ACRBP: variants seen among roughly 807,000 people sequenced by gnomAD.
ACRBP encodes the protein acrosin-binding protein.
ACRBP carries 52 observed loss-of-function variants against 69.0 expected under a neutral mutation model. The ratio of observed to expected loss-of-function variants is 0.75; its 90% CI spans 0.60 to 0.95. The LOEUF (loss-of-function observed/expected upper bound fraction) is 0.95, where lower values mean the gene tolerates loss of function less well. Ranked by LOEUF, ACRBP falls within the 40% of genes least tolerant of loss-of-function variation. The probability of loss-of-function intolerance (pLI) is 0.00; values close to 1 mark genes in which losing one functional copy is unlikely to be tolerated. For synonymous variants in ACRBP, 267 were observed against 258.9 expected (o/e 1.03, Z -0.30); for missense variants, 604 against 673.0 (o/e 0.90, Z 1.13).
At position 6,638,728 on chromosome 12, in the gene ACRBP, C is replaced by T. The variant is rs906317525; in HGVS notation, c.1509+226G>A. The T allele has an allele frequency of 8.7e-5, 124 of 1,432,264 alleles. No homozygotes were observed. In the Middle Eastern group the frequency reaches 1.6e-3, roughly 18 times the overall value. 88.7% of individuals were successfully genotyped at this position (1,432,264 alleles called of 1,614,324 possible). ...AGCCAAGGGTTCTTCCTGTGGTGCT[C>T]TTAGGACCCTCCTCTGTTATCCACC... On this transcript the variant is annotated intron_variant, in intron 9 of 9. Coordinates refer to ENST00000229243, the MANE Select transcript of ACRBP (RefSeq NM_032489.3).
At chr12:6,642,185 G>T (rs1949057593) in intron 6 of ACRBP, among the ~76,000 whole-genome samples, 1 of 152,034 alleles carries the variant, frequency 6.6e-6, no homozygotes, top group Non-Finnish European at 1.5e-5. Context: ...ATTCCAAGAG[G>T]ACAGAGGACT....
At position 6,638,961 on chromosome 12, in the gene ACRBP, T is replaced by C. The variant is rs772048700; in HGVS notation, c.1502A>G (p.Asn501Ser). ...CAGGGCAGGGGTGCTCACCTTCCGATTGCGGTTTCTCATCAGACACTGCTG... is the reference window on the plus strand; with the variant it reads ...CAGGGCAGGGGTGCTCACCTTCCGACTGCGGTTTCTCATCAGACACTGCTG... ...KSQQCLMRNRNRKVSRMRCLQ... is the reference protein window; with the variant it reads ...KSQQCLMRNRSRKVSRMRCLQ... The change falls in exon 9 of 10, where the codon AAT (asparagine) becomes AGT (serine). Residue 501 changes from asparagine to serine, a missense_variant. By Grantham distance (46) the Asn-to-Ser change is conservative (BLOSUM62 1). Transcript: ENST00000229243. 1.9e-6 allele frequency: 3 copies of C among 1,613,854 alleles called. No individual in the cohort carries two copies. The highest frequency in any genetic ancestry group is 2.2e-5 in the East Asian group (1 of 44,894).
intron 6 of ACRBP, among the ~76,000 whole-genome samples, chr12:6,641,008 A>G (rs1036980701): frequency 2.0e-5 from 3 of 152,240 alleles, no homozygotes; most frequent in South Asian, 2.1e-4. Flanking sequence ...CGACAACCCT[A>G]TAACAGCAGA....
At position 6,643,944 on chromosome 12, in the gene ACRBP, C is replaced by T. The variant is rs1490205217; in HGVS notation, c.944+193G>A. The T allele has an allele frequency of 9.3e-6, 11 of 1,179,302 alleles. No homozygotes were observed. In the East Asian group the frequency reaches 2.1e-4, roughly 22 times the overall value. 73.1% of individuals were successfully genotyped at this position (1,179,302 alleles called of 1,614,324 possible). Reference sequence around the variant, plus strand: ...CTGGTAGCTCCAGGTACAGGGCTTACATAGAGAATAAGCATTTGAGCAGTG... The same window carrying T: ...CTGGTAGCTCCAGGTACAGGGCTTATATAGAGAATAAGCATTTGAGCAGTG... On this transcript the variant is annotated intron_variant, in intron 5 of 9. Coordinates refer to ENST00000229243, the MANE Select transcript of ACRBP (RefSeq NM_032489.3).
chr12:6,645,103 T>C, intron 4 of ACRBP, 117 bp downstream of exon 4: 1 of 764,598 alleles, frequency 1.3e-6, no homozygotes, highest in Non-Finnish European at 2.2e-6. Context: ...AGCTGTCTGC[T>C]GGCGCCCCCT....
chr12:6,638,101 A>C lies in ACRBP; in HGVS notation c.*181T>G. 1.3e-6 allele frequency: 1 copy of C among 761,832 alleles called. No homozygotes were observed. The highest frequency in any genetic ancestry group is 2.9e-5 in the Admixed American group (1 of 34,722). The allele number at this position is 761,832 out of a possible 1,614,324, so 47.2% of individuals were successfully genotyped here. The stretch of plus-strand genomic sequence containing the variant: ...GAAGATCAACATTTTATGTAAAGTC[A>C]TCTTTTAAGGAGGGCGCAGCTCCCA... On this transcript the variant is annotated 3_prime_UTR_variant, in exon 10 of 10. Transcript: ENST00000229243.
At chr12:6,647,135 G>A in intron 1 of ACRBP, 123 bp from the exon 2 acceptor site, 2 of 1,101,590 alleles carry the variant, frequency 1.8e-6, no homozygotes, top group Non-Finnish European at 2.6e-6. Context: ...TGACCAGGGC[G>A]GGGGGAGTCT....
Position 6,646,863 on chromosome 12 carries a change from T to C in ACRBP, c.193A>G (p.Thr65Ala). ...AGTGTGGGATTCCGGCAGCCGTGGG[T>C]TGCACGGAGACGGCAGGTAGTCTCT... Reference protein sequence around the residue: ...KAETTCRLRATHGCRNPTLVQ... With the variant: ...KAETTCRLRAAHGCRNPTLVQ... Residue 65 changes from threonine (T) to alanine (A), a missense_variant, in exon 2 of 10, where the codon ACC (threonine) becomes GCC (alanine). Thr to Ala is a moderately conservative substitution (Grantham distance 58, BLOSUM62 0). Transcript: ENST00000229243. 1 of 1,614,112 alleles carries C rather than the reference T, an allele frequency of 6.2e-7. No homozygotes were observed. Among genetic ancestry groups the C allele is most frequent in the Non-Finnish European group, 8.5e-7 (1 of 1,180,016 alleles).
intron 6 of ACRBP, among the ~76,000 whole-genome samples, chr12:6,642,999 C>G (rs979710313): frequency 1.3e-4 from 20 of 152,106 alleles, no homozygotes; most frequent in African/African-American, 4.6e-4. Flanking sequence ...TGCCTGTAAT[C>G]CCAGCATTTT....
rs150031699 is a variant in ACRBP, at chr12:6,640,411, C to T, written c.1189G>A (p.Asp397Asn). 2.2e-5 allele frequency: 36 copies of T among 1,614,046 alleles called. No individual in the cohort carries two copies. The South Asian group carries it at 2.5e-4, about 11-fold the overall frequency. ...SEASLQRQQCDTSHKTPFVSP... is the reference protein window; with the variant it reads ...SEASLQRQQCNTSHKTPFVSP... The stretch of plus-strand genomic sequence containing the variant: ...ACAAAGGGAGTCTTGTGGGAGGTGT[C>T]GCATTGTTGCCGCTGCAGGCTGGCC... The change falls in exon 7 of 10, where the codon GAC becomes AAC. Residue 397 changes from aspartate to asparagine, a missense_variant. Asp to Asn is a conservative substitution (Grantham distance 23). Around this residue, in one of 3 missense-constraint regions of ACRBP, gnomAD observed 532 missense variants for 562.9 expected, o/e 0.95. Coordinates refer to ENST00000229243, the MANE Select transcript of ACRBP (RefSeq NM_032489.3). This position sits in a 1 kb window ranked among gnomAD's most constrained non-coding sequence, Gnocchi z 5.3.
chr12:6,643,194 G>T (rs575967415), intron 6 of ACRBP, among the ~76,000 whole-genome samples: 1 of 152,258 alleles, frequency 6.6e-6, no homozygotes, highest in South Asian at 2.1e-4. Context: ...GGTGGTCAAG[G>T]CTGCAGTAAG....
Position 6,644,403 on chromosome 12 carries a change from C to T in ACRBP, c.678G>A (p.Gln226=). The change falls in exon 5 of 10, where the codon CAG becomes CAA. Residue 226 remains glutamine, a synonymous_variant. Transcript: ENST00000229243. ...CTTCTTCCTGCTTTCCCTCCTCTTC[C>T]TGTTCCTCTTCTTGCTCTTCCTGTT... The part of the protein sequence containing the change: ...GQKQEEQEEE[Q]EEEGKQEEGQ... 1 of 1,614,082 alleles carries T rather than the reference C, an allele frequency of 6.2e-7. No homozygotes were observed. Among genetic ancestry groups the T allele is most frequent in the South Asian group, 1.1e-5 (1 of 91,068 alleles).
Position 6,642,401 on chromosome 12 carries a change from G to GT in ACRBP, c.1077+1137dup, listed in dbSNP as rs1409119204. On this transcript the variant is annotated intron_variant, in intron 6 of 9. Coordinates refer to ENST00000229243, the MANE Select transcript of ACRBP (RefSeq NM_032489.3). ...TTAAGTCTTTAAATCATCTTGAAAT[G>GT]TTTTTTGTGTATCTACTCCTAGGTG... Among the ~76,000 whole-genome samples the GT allele has an allele frequency of 9.2e-5, 14 of 152,284 alleles. No individual in the cohort carries two copies. In the South Asian group the frequency reaches 2.9e-3, roughly 32 times the overall value.
intron 9 of ACRBP, 38 bp downstream of exon 9, chr12:6,638,916 G>A (rs1276673204): frequency 6.2e-7 from 1 of 1,605,960 alleles, no homozygotes; most frequent in Non-Finnish European, 8.5e-7. Flanking sequence ...TGATTGAGGG[G>A]GTGCTGGGAG....
chr12:6,644,736 A>G (rs1949076214), intron 4 of ACRBP, 131 bp from the exon 5 acceptor site: 3 of 1,377,424 alleles, frequency 2.2e-6, no homozygotes, highest in Admixed American at 2.9e-5. Flanking sequence ...AAAACACAGA[A>G]AAGAACATAA....
chr12:6,645,786 G>A (rs534960750), intron 3 of ACRBP, among the ~76,000 whole-genome samples: 13 of 151,232 alleles, frequency 8.6e-5, no homozygotes, highest in South Asian at 8.3e-4. Flanking sequence ...TCAGTCTCTC[G>A]AGTAGCTGGG....
chr12:6,644,656 C>T lies in ACRBP; in HGVS notation c.476-51G>A, dbSNP rs1565392741. On this transcript the variant is annotated intron_variant, in intron 4 of 9. Transcript: ENST00000229243. ...AGAGAGACAGTCAGGCTTCTAGCCC[C>T]TGAGTGTCTTTGTTCACAGAGGGAC... 3 of 1,546,538 alleles carry T rather than the reference C, an allele frequency of 1.9e-6. No individual in the cohort carries two copies. The South Asian group carries it at 3.8e-5, about 19-fold the overall frequency.
At chr12:6,646,436 T>C in intron 3 of ACRBP, 47 bp downstream of exon 3, 1 of 1,556,398 alleles carries the variant, frequency 6.4e-7, no homozygotes. Context: ...CTGCCGCCTC[T>C]CCCTTGGCCC....
At chr12:6,645,433 TCA>T in intron 3 of ACRBP, 96 bp from the exon 4 acceptor site, 2 of 963,034 alleles carry the variant, frequency 2.1e-6, no homozygotes, top group South Asian at 1.3e-5. Flanking sequence ...GTCTTATCTC[TCA>T]GTTTCTAGGC....
Sources: allele counts gnomAD v4.1 joint callset (sites outside exome capture counted in the v4.1 genomes callset), GRCh38; gene constraint gnomAD v4.1.1; regional missense constraint gnomAD v4.1.1; non-coding constraint Gnocchi (gnomAD v3.1); transcripts MANE v1.5; gene names NCBI Gene and HGNC (gene_info 2026-07-23, HGNC 2026-07-21).